FOXJ3: variants seen among roughly 807,000 people sequenced by gnomAD.
The protein encoded by FOXJ3 is forkhead box protein J3.
In FOXJ3, 22 loss-of-function variants were observed where a neutral mutation model predicts 76.1. That is an observed-to-expected ratio of 0.29 (90% CI 0.21 to 0.41). The LOEUF is 0.41. Ranked by LOEUF, FOXJ3 falls within the 10% of genes least tolerant of loss-of-function variation. The pLI is 1.00. For synonymous variants in FOXJ3, 269 were observed against 261.2 expected (o/e 1.03, Z -0.29); for missense variants, 613 against 762.1 (o/e 0.80, Z 2.30).
intron 7 of FOXJ3, 58 bp downstream of exon 7, chr1:42,199,044 G>A: frequency 7.4e-7 from 1 of 1,353,958 alleles, no homozygotes; most frequent in Non-Finnish European, 1.0e-6. Context: ...ATTATGTTTG[G>A]TTTAGTTTTA....
chr1:42,334,114 C>G, intron 1 of FOXJ3: 1 of 974,578 alleles, frequency 1.0e-6, no homozygotes. Context: ...AAAAGTAAAA[C>G]AGAGAAATGA....
intron 4 of FOXJ3, among the ~76,000 whole-genome samples, chr1:42,234,747 G>C (rs183722999): frequency 6.6e-6 from 1 of 152,130 alleles, no homozygotes; most frequent in Non-Finnish European, 1.5e-5. Context: ...CTGCCTGACC[G>C]TTCCTCTGGA....
intron 4 of FOXJ3, among the ~76,000 whole-genome samples, chr1:42,239,630 G>C (rs2124516382): frequency 6.6e-6 from 1 of 152,236 alleles, no homozygotes; most frequent in East Asian, 1.9e-4. Context: ...TGTAAACACT[G>C]ATTCCAGATT....
intron 4 of FOXJ3, among the ~76,000 whole-genome samples, chr1:42,261,226 GAGAA>G (rs1341477899): frequency 6.7e-6 from 1 of 150,230 alleles, no homozygotes; most frequent in East Asian, 1.9e-4. Context: ...GACAAATATA[GAGAA>G]AACAGAACTA....
At chr1:42,208,785 C>T (rs942545812) in intron 5 of FOXJ3, among the ~76,000 whole-genome samples, 4 of 152,172 alleles carry the variant, frequency 2.6e-5, no homozygotes, top group African/African-American at 9.7e-5. Context: ...TACCATAAGT[C>T]AAAAATGCAC....
At chr1:42,205,042 AAG>A (rs1646834866) in intron 6 of FOXJ3, among the ~76,000 whole-genome samples, 1 of 152,158 alleles carries the variant, frequency 6.6e-6, no homozygotes, top group African/African-American at 2.4e-5. Context: ...ACAAGACTGA[AAG>A]AGAATCTAAG....
intron 2 of FOXJ3, among the ~76,000 whole-genome samples, chr1:42,292,330 T>C (rs528093391): frequency 1.3e-5 from 2 of 152,312 alleles, no homozygotes; most frequent in East Asian, 3.9e-4. Flanking sequence ...GGACAACGGC[T>C]TGGCAGTTTC....
chr1:42,217,881 G>A (rs1221166300), intron 5 of FOXJ3, among the ~76,000 whole-genome samples: 1 of 152,126 alleles, frequency 6.6e-6, no homozygotes, highest in Non-Finnish European at 1.5e-5. Flanking sequence ...CCTCAATAGT[G>A]TTGTAAAAAA....
intron 3 of FOXJ3, among the ~76,000 whole-genome samples, chr1:42,268,404 G>A (rs574395344): frequency 2.6e-5 from 4 of 151,908 alleles, no homozygotes; most frequent in South Asian, 4.2e-4. Flanking sequence ...AATTCATTTC[G>A]GCTCACTGAC....
intron 5 of FOXJ3, among the ~76,000 whole-genome samples, chr1:42,219,936 G>A (rs1030074059): frequency 2.0e-5 from 3 of 152,130 alleles, no homozygotes; most frequent in African/African-American, 7.2e-5. Flanking sequence ...TAAAGTTTTG[G>A]AGTTTTCTTT....
intron 4 of FOXJ3, among the ~76,000 whole-genome samples, chr1:42,263,918 T>TGA (rs1351970727): frequency 1.4e-5 from 2 of 144,692 alleles, no homozygotes; most frequent in African/African-American, 5.0e-5. Flanking sequence ...AGAGACCATA[T>TGA]GAGTAGGTTA....
chr1:42,287,425 G>A (rs1653131387), intron 2 of FOXJ3, among the ~76,000 whole-genome samples: 1 of 152,154 alleles, frequency 6.6e-6, no homozygotes, highest in Non-Finnish European at 1.5e-5. Context: ...CTTGGAAAAT[G>A]AGAACTGGTC....
intron 4 of FOXJ3, among the ~76,000 whole-genome samples, chr1:42,261,076 G>A (rs1264127185): frequency 2.0e-5 from 3 of 152,036 alleles, no homozygotes; most frequent in Non-Finnish European, 4.4e-5. Context: ...GAAAAGCAGA[G>A]AAAGAAAATT....
rs560586946 is a variant in FOXJ3, at chr1:42,223,846, A to G, written c.528+4037T>C. 2.0e-5 allele frequency among the ~76,000 whole-genome samples: 3 copies of G among 152,354 alleles called. No homozygotes were observed. The South Asian group carries it at 6.2e-4, about 32-fold the overall frequency. On this transcript the variant is annotated intron_variant, in intron 5 of 12. Coordinates refer to ENST00000361346, the MANE Select transcript of FOXJ3 (RefSeq NM_014947.5). ...TGTTGTAGTCTTCAGCATAACAAATACCAGTGGAAGAATAATGTAGTTGTA... is the reference window on the plus strand; with the variant it reads ...TGTTGTAGTCTTCAGCATAACAAATGCCAGTGGAAGAATAATGTAGTTGTA...
chr1:42,213,956 CTAAT>C (rs957759164), intron 5 of FOXJ3, among the ~76,000 whole-genome samples: 1 of 152,162 alleles, frequency 6.6e-6, no homozygotes, highest in Non-Finnish European at 1.5e-5. Flanking sequence ...AAGTGATAAA[CTAAT>C]TAGCCTAATT....
chr1:42,192,217 A>G (rs1022117012), intron 8 of FOXJ3, among the ~76,000 whole-genome samples: 21 of 152,224 alleles, frequency 1.4e-4, no homozygotes, highest in African/African-American at 4.8e-4. Context: ...AACTTTTCCA[A>G]ATAGGTAAAA....
chr1:42,194,995 C>T lies in FOXJ3; in HGVS notation c.829G>A (p.Glu277Lys). The T allele has an allele frequency of 6.2e-7, 1 of 1,613,478 alleles. No individual in the cohort carries two copies. Among genetic ancestry groups the T allele is most frequent in the Non-Finnish European group, 8.5e-7 (1 of 1,179,592 alleles). Residue 277 changes from glutamate to lysine, a missense_variant, in exon 8 of 13, where the codon GAA (glutamate) becomes AAA (lysine). Around this residue, in one of 3 missense-constraint regions of FOXJ3, gnomAD observed 526 missense variants for 601.4 expected, o/e 0.87. Transcript: ENST00000361346. ...GAGAAAAGTAGTTGCTTGTCTCTTT[C>T]TGGAAGGTTGTACTGTGGTTGCTGC... ...PQQQPQYNLP[E>K]RDKQLLFSEY...
intron 2 of FOXJ3, among the ~76,000 whole-genome samples, chr1:42,289,401 T>G (rs187909984): frequency 6.6e-6 from 1 of 152,118 alleles, no homozygotes; most frequent in Non-Finnish European, 1.5e-5. Context: ...ACAAGATACA[T>G]GTGGAATATT....
intron 9 of FOXJ3, among the ~76,000 whole-genome samples, chr1:42,191,093 G>A (rs921979550): frequency 6.7e-5 from 9 of 135,326 alleles, no homozygotes; most frequent in Non-Finnish European, 9.7e-5. Flanking sequence ...ACCTGCAAGG[G>A]TTGCTGGGTT....
Sources: allele counts gnomAD v4.1 joint callset (sites outside exome capture counted in the v4.1 genomes callset), GRCh38; gene constraint gnomAD v4.1.1; regional missense constraint gnomAD v4.1.1; transcripts MANE v1.5; gene names NCBI Gene and HGNC (gene_info 2026-07-23, HGNC 2026-07-21).